The following CBARP variants were observed in gnomAD, a reference collection of about 807,000 sequenced individuals.
The protein encoded by CBARP is voltage-dependent calcium channel beta subunit-associated regulatory protein.
A neutral mutation model predicts 36.3 loss-of-function variants in CBARP; 24 were observed. That is an observed-to-expected ratio of 0.66 (90% CI 0.48 to 0.93). The LOEUF (loss-of-function observed/expected upper bound fraction) is 0.93. CBARP is among the 40% of genes least tolerant of loss of function. The probability of loss-of-function intolerance (pLI) is 0.00; values close to 1 mark genes in which losing one functional copy is unlikely to be tolerated. For synonymous variants in CBARP, 586 were observed against 453.2 expected, an observed-to-expected ratio of 1.29 and a Z score of -3.72; for missense variants, 1,146 against 980.4, an observed-to-expected ratio of 1.17 and a Z score of -2.26.
At chr19:1,233,674 C>T in intron 7 of CBARP, 38 bp from the exon 8 acceptor site, 1 of 1,561,134 alleles carries the variant, frequency 6.4e-7, no homozygotes, top group Non-Finnish European at 8.7e-7. Flanking sequence ...GCTAAGACTT[C>T]TTCCTGGGCC....
intron 5 of CBARP, 66 bp from the exon 6 acceptor site, chr19:1,234,808 C>T (rs1341334845): frequency 1.9e-6 from 3 of 1,560,634 alleles, no homozygotes; most frequent in Middle Eastern, 3.4e-4. Context: ...CTGCCGTGCT[C>T]TGCCATCCAC....
chr19:1,238,070 C>T (rs1192925687), upstream of CBARP: 2 of 148,404 alleles, frequency 1.3e-5, no homozygotes, highest in Non-Finnish European at 3.0e-5. Context: ...GGAGCCTGCG[C>T]TCCCGGGCGC....
Position 1,234,332 on chromosome 19 carries a change from C to A in CBARP, c.628-1G>T. The A allele has an allele frequency of 6.9e-7, 1 of 1,442,880 alleles. No individual in the cohort carries two copies. Among genetic ancestry groups the A allele is most frequent in the Non-Finnish European group, 9.1e-7 (1 of 1,095,970 alleles). 89.4% of individuals were successfully genotyped at this position (1,442,880 alleles called of 1,614,324 possible). Reference sequence around the variant, plus strand: ...GGCCGGTGAGGGCCTTCCCCGGGGGCTGTGGGACAGAGCCAGGTGGGGGAG... The same window carrying A: ...GGCCGGTGAGGGCCTTCCCCGGGGGATGTGGGACAGAGCCAGGTGGGGGAG... On this transcript the variant is annotated splice_acceptor_variant, in intron 6 of 9. Coordinates refer to ENST00000650044, the MANE Select transcript of CBARP (RefSeq NM_001393918.1). LOFTEE classifies it high-confidence loss of function.
chr19:1,229,324 C>A lies in CBARP; in HGVS notation c.1973G>T (p.Cys658Phe), dbSNP rs1392687102. ...CAGCACCGACCCGGATGGTAGGACG[C>A]ACAGGCCCGAGCCGGGGCACCCCCC... ...GGGGCPGSGL[C>F]VLPSGSVLDK... Residue 658 changes from cysteine (C) to phenylalanine (F), a missense_variant, in exon 10 of 10, where the codon TGC becomes TTC. Physicochemically the swap from Cys to Phe is radical, Grantham distance 205. Coordinates refer to ENST00000650044, the MANE Select transcript of CBARP (RefSeq NM_001393918.1). This position sits in a 1 kb window ranked among gnomAD's most constrained non-coding sequence, Gnocchi z 5.1. 8.0e-7 allele frequency: 1 copy of A among 1,244,140 alleles called. No homozygotes were observed. Among genetic ancestry groups the A allele is most frequent in the Admixed American group, 2.6e-5 (1 of 37,756 alleles). The allele number at this position is 1,244,140 out of a possible 1,614,324, so 77.1% of individuals were successfully genotyped here.
rs1221842221 is a variant in CBARP at position 1,229,070 on chromosome 19, G to C, written c.*109C>G. On this transcript the variant is annotated 3_prime_UTR_variant, in exon 10 of 10. Coordinates refer to ENST00000650044, the MANE Select transcript of CBARP (RefSeq NM_001393918.1). The surrounding 1 kb of genome is among the most constrained non-coding windows in gnomAD (Gnocchi z 5.1). ...CCCGGCGCGTGCGCGAAGGGCCCGC[G>C]GTCCCCGCGCATTCGCGTCGGGGCG... 3.7e-6 allele frequency: 1 copy of C among 273,580 alleles called. No homozygotes were observed. Among genetic ancestry groups the C allele is most frequent in the African/African-American group, 2.3e-5 (1 of 43,114 alleles). 16.9% of individuals were successfully genotyped at this position (273,580 alleles called of 1,614,324 possible). A position where few individuals can be genotyped will look rare whatever the true frequency, so the allele number is the denominator to read the frequency against.
intron 7 of CBARP, among the ~76,000 whole-genome samples, chr19:1,233,975 G>C (rs2080927748): frequency 6.6e-6 from 1 of 152,232 alleles, no homozygotes; most frequent in Non-Finnish European, 1.5e-5. Context: ...TGTCAAATGA[G>C]GTGGGAGCCT....
In CBARP at chr19:1,229,996, T is replaced by G; in HGVS notation, c.1301A>C (p.Tyr434Ser). Residue 434 changes from tyrosine (Y) to serine (S), a missense_variant, in exon 10 of 10, where the codon TAC becomes TCC. By Grantham distance (144) the Tyr-to-Ser change is moderately radical. Coordinates refer to ENST00000650044, the MANE Select transcript of CBARP (RefSeq NM_001393918.1). This position sits in a 1 kb window ranked among gnomAD's most constrained non-coding sequence, Gnocchi z 5.1. The stretch of plus-strand genomic sequence containing the variant: ...GGCGCGCAGGCTCCACAGGTCGCGG[T>G]AGCTGGTCTGGGCCTGCTCGGGGCC... The part of the protein sequence containing the change: ...DAGPEQAQTS[Y>S]RDLWSLRASL... 8.1e-7 allele frequency: 1 copy of G among 1,232,178 alleles called. No homozygotes were observed. Among genetic ancestry groups the G allele is most frequent in the Non-Finnish European group, 1.0e-6 (1 of 964,996 alleles). The allele number at this position is 1,232,178 out of a possible 1,614,324, so 76.3% of individuals were successfully genotyped here.
At position 1,230,122 on chromosome 19, in the gene CBARP, G is replaced by A. The variant is rs1415302308; in HGVS notation, c.1175C>T (p.Ala392Val). ...GGGGGAATCGGGGCTCGCTCCTCCC[G>A]CTGCCTCGGCCGCCTCTAGCCTGCA... The part of the protein sequence containing the change: ...ALGRLEAAEA[A>V]GGASPDSPPE... The change falls in exon 10 of 10, where the codon GCG (alanine) becomes GTG (valine). Residue 392 changes from alanine (A) to valine (V), a missense_variant. Coordinates refer to ENST00000650044, the MANE Select transcript of CBARP (RefSeq NM_001393918.1). The A allele has an allele frequency of 9.5e-7, 1 of 1,047,566 alleles. No individual in the cohort carries two copies. The highest frequency in any genetic ancestry group is 1.2e-6 in the Non-Finnish European group (1 of 865,918). The allele number at this position is 1,047,566 out of a possible 1,614,324, so 64.9% of individuals were successfully genotyped here.
At position 1,234,179 on chromosome 19, in the gene CBARP, A is replaced by G; in HGVS notation, c.768+12T>C. The stretch of plus-strand genomic sequence containing the variant: ...GCTGTGGACACCATGGGGGACACGC[A>G]GGGGCCCTCACCGAGGTGCCTTCCC... On this transcript the variant is annotated intron_variant, in intron 7 of 9. Coordinates refer to ENST00000650044, the MANE Select transcript of CBARP (RefSeq NM_001393918.1). The G allele has an allele frequency of 1.3e-6, 2 of 1,508,864 alleles. No homozygotes were observed. The highest frequency in any genetic ancestry group is 1.8e-6 in the Non-Finnish European group (2 of 1,133,166). The allele number at this position is 1,508,864 out of a possible 1,614,324, so 93.5% of individuals were successfully genotyped here.
At chr19:1,234,353 G>A in intron 6 of CBARP, 22 bp from the exon 7 acceptor site, 1 of 1,440,630 alleles carries the variant, frequency 6.9e-7, no homozygotes. Context: ...AGCCAGGTGG[G>A]GGAGGAAGCA....
In CBARP at chr19:1,236,094, G is replaced by C; in HGVS notation, c.7C>G (p.Pro3Ala). The change falls in exon 2 of 10, where the codon CCC (proline) becomes GCC (alanine). Residue 3 changes from proline (P) to alanine (A), a missense_variant. Transcript: ENST00000650044. MQ[P>A]TATMATAATT... ...GCGGCTGTGGCCATGGTGGCTGTGG[G>C]CTGCATTCTGAACTGGGGAGGAGGG... The C allele has an allele frequency of 1.4e-6, 2 of 1,473,244 alleles. No homozygotes were observed. The highest frequency in any genetic ancestry group is 2.5e-5 in the Admixed American group (1 of 40,468). The allele number at this position is 1,473,244 out of a possible 1,614,324, so 91.3% of individuals were successfully genotyped here.
chr19:1,236,371 G>C (rs1018322115), intron 1 of CBARP, among the ~76,000 whole-genome samples: 1 of 152,208 alleles, frequency 6.6e-6, no homozygotes, highest in African/African-American at 2.4e-5. Flanking sequence ...GGGTGCGCCT[G>C]TACCCATCAC....
Position 1,236,021 on chromosome 19 carries a change from C to A in CBARP, c.80G>T (p.Trp27Leu), listed in dbSNP as rs769284071. 3 of 1,544,922 alleles carry A rather than the reference C, an allele frequency of 1.9e-6. No homozygotes were observed. The East Asian group carries it at 6.9e-5, about 35-fold the overall frequency. The change falls in exon 2 of 10, where the codon TGG (tryptophan) becomes TTG (leucine). Residue 27 changes from tryptophan (W) to leucine (L), a missense_variant. By Grantham distance (61) the Trp-to-Leu change is moderately conservative (BLOSUM62 -2). Coordinates refer to ENST00000650044, the MANE Select transcript of CBARP (RefSeq NM_001393918.1). ...TTATVALTTS[W>L]DNATGRPTAE... ...CGTGGGGCGTCCAGTGGCATTGTCC[C>A]ACGACGTCGTCAGGGCTACTGTGGC...
At position 1,231,221 on chromosome 19, in the gene CBARP, T is replaced by G. The variant is rs1272691705; in HGVS notation, c.1034A>C (p.Glu345Ala). Residue 345 changes from glutamate (E) to alanine (A), a missense_variant, in exon 9 of 10, where the codon GAG becomes GCG. Transcript: ENST00000650044. The part of the protein sequence containing the change: ...QRQRAASEST[E>A]QEEGDAPQED... ...CTGGGGGGCATCCCCCTCCTCCTGC[T>G]CCGTGCTCTCACTGGCTGCCCGCTG... 1 of 1,603,122 alleles carries G rather than the reference T, an allele frequency of 6.2e-7. No individual in the cohort carries two copies. The highest frequency in any genetic ancestry group is 8.5e-7 in the Non-Finnish European group (1 of 1,179,530).
At position 1,235,266 on chromosome 19, in the gene CBARP, G is replaced by A. The variant is rs938978432; in HGVS notation, c.311-121C>T. 2.9e-5 allele frequency: 34 copies of A among 1,170,696 alleles called. No homozygotes were observed. In the South Asian group the frequency reaches 3.6e-4, roughly 12 times the overall value. 72.5% of individuals were successfully genotyped at this position (1,170,696 alleles called of 1,614,324 possible). On this transcript the variant is annotated intron_variant, in intron 4 of 9. Transcript: ENST00000650044. ...GGCTGGGGCCGCGGCACGGGCGGCC[G>A]GGCTGGCGGGGCGAGGGACACTCGT...
At chr19:1,232,989 G>A (rs561235222) in intron 8 of CBARP, among the ~76,000 whole-genome samples, 8 of 152,380 alleles carry the variant, frequency 5.3e-5, no homozygotes, top group Admixed American at 1.3e-4. Context: ...GTCTGCCAGC[G>A]GGCGAGGGAG....
chr19:1,230,918 C>G, intron 9 of CBARP, 183 bp downstream of exon 9: 1 of 1,578,620 alleles, frequency 6.3e-7, no homozygotes, highest in Non-Finnish European at 8.6e-7. Flanking sequence ...CTGCTTCCCT[C>G]CTCTGGTCCA....
intron 8 of CBARP, among the ~76,000 whole-genome samples, chr19:1,231,906 C>T (rs1239794602): frequency 6.6e-6 from 1 of 152,046 alleles, no homozygotes; most frequent in Non-Finnish European, 1.5e-5. Context: ...CTTGTGGCAG[C>T]CCTGGTCAAC....
chr19:1,229,708 C>A lies in CBARP; in HGVS notation c.1589G>T (p.Arg530Leu). ...GCGGCGCGGGCGGCGGGGCCAGGCG[C>A]GCGGGCTGCGGGGCCGGGCGGGCGC... ...PAAPARPRSP[R>L]AWPRRPRRDY... The change falls in exon 10 of 10, where the codon CGC becomes CTC. Residue 530 changes from arginine to leucine, a missense_variant. Transcript: ENST00000650044. This position sits in a 1 kb window ranked among gnomAD's most constrained non-coding sequence, Gnocchi z 5.1. 1.0e-6 allele frequency: 1 copy of A among 995,088 alleles called. No homozygotes were observed. Among genetic ancestry groups the A allele is most frequent in the South Asian group, 3.6e-5 (1 of 28,162 alleles). The allele number at this position is 995,088 out of a possible 1,614,324, so 61.6% of individuals were successfully genotyped here.
Sources: gnomAD v4.1 joint callset for allele counts (sites outside exome capture counted in the v4.1 genomes callset) on GRCh38, gnomAD v4.1.1 for gene constraint, Gnocchi (gnomAD v3.1) non-coding constraint, MANE v1.5 for transcripts, NCBI Gene and HGNC (gene_info 2026-07-23, HGNC 2026-07-21) for gene names.